Variants in ERBB4 observed in about 807,000 individuals in gnomAD.
The protein encoded by ERBB4 is receptor tyrosine-protein kinase erbB-4.
In ERBB4, 42 loss-of-function variants were observed where a neutral mutation model predicts 158.0. The observed-to-expected ratio is 0.27, with a 90% CI of 0.21 to 0.34. The LOEUF is 0.34. Ranked by LOEUF, ERBB4 falls within the 10% of genes least tolerant of loss-of-function variation. The pLI is 1.00. For synonymous variants in ERBB4, 583 were observed against 558.7 expected (o/e 1.04, Z -0.61); for missense variants, 1,333 against 1,624.1 (o/e 0.82, Z 3.08).
chr2:211,969,554 AC>A (rs2081395646), intron 2 of ERBB4, among the ~76,000 whole-genome samples: 1 of 152,076 alleles, frequency 6.6e-6, no homozygotes, highest in Non-Finnish European at 1.5e-5. Context: ...TTGAAGATGA[AC>A]ATCTGAATTG....
chr2:212,353,347 T>C (rs918466162), intron 1 of ERBB4, among the ~76,000 whole-genome samples: 5 of 150,458 alleles, frequency 3.3e-5, no homozygotes, highest in African/African-American at 7.3e-5. Context: ...AATATGTATA[T>C]AATATGTACA....
intron 3 of ERBB4, among the ~76,000 whole-genome samples, chr2:211,804,905 A>C (rs995544934): frequency 3.3e-4 from 49 of 147,092 alleles, no homozygotes; most frequent in African/African-American, 1.2e-3. Flanking sequence ...CAGAGGTTAC[A>C]GCTCTTTCAA....
intron 1 of ERBB4, among the ~76,000 whole-genome samples, chr2:212,450,669 G>C (rs575200398): frequency 6.6e-6 from 1 of 152,122 alleles, no homozygotes; most frequent in African/African-American, 2.4e-5. Context: ...TTAGTAATTT[G>C]TTAAAGCAGC....
At chr2:211,541,070 C>T (rs1488933597) in intron 20 of ERBB4, among the ~76,000 whole-genome samples, 2 of 151,792 alleles carry the variant, frequency 1.3e-5, no homozygotes, top group African/African-American at 4.8e-5. Context: ...ATCTAAGAAA[C>T]TGTATCAATT....
intron 1 of ERBB4, among the ~76,000 whole-genome samples, chr2:212,458,705 G>A (rs1688425752): frequency 6.6e-6 from 1 of 152,080 alleles, no homozygotes; most frequent in Non-Finnish European, 1.5e-5. Context: ...GGAGACAATG[G>A]ATTATAAGGG....
chr2:212,042,151 T>G (rs1291848869), intron 2 of ERBB4, among the ~76,000 whole-genome samples: 1 of 152,102 alleles, frequency 6.6e-6, no homozygotes, highest in Non-Finnish European at 1.5e-5. Context: ...TATGGGTAAG[T>G]GCTCAAATTG....
At chr2:212,276,199 T>C (rs1478221194) in intron 1 of ERBB4, among the ~76,000 whole-genome samples, 1 of 151,796 alleles carries the variant, frequency 6.6e-6, no homozygotes. Flanking sequence ...TGTTTACCCA[T>C]GGTTGACCAG....
At chr2:211,678,318 C>CAAAAAAAAAAAAAAAAA (rs60505220) in intron 13 of ERBB4, among the ~76,000 whole-genome samples, 1 of 144,360 alleles carries the variant, frequency 6.9e-6, no homozygotes. Flanking sequence ...AACAAACAAA[C>CAAAAAAAAAAAAAAAAA]AAAAAAAAAA....
chr2:211,379,692 T>C lies in ERBB4; in HGVS notation c.*3923A>G, dbSNP rs1006229295. ...ATAGCATTATCGTGGTTCTGTCCAG[T>C]TATATACATGCTTTCATGATCACCT... On this transcript the variant is annotated 3_prime_UTR_variant, in exon 28 of 28. Transcript: ENST00000342788. The C allele has an allele frequency of 4.3e-6, 1 of 231,704 alleles. No individual in the cohort carries two copies. Among genetic ancestry groups the C allele is most frequent in the African/African-American group, 2.2e-5 (1 of 45,260 alleles). 14.4% of individuals were successfully genotyped at this position (231,704 alleles called of 1,614,324 possible).
chr2:211,650,789 ATAT>A (rs1224051655), intron 16 of ERBB4, among the ~76,000 whole-genome samples: 1 of 152,192 alleles, frequency 6.6e-6, no homozygotes, highest in African/African-American at 2.4e-5. Flanking sequence ...CAATATACCC[ATAT>A]TATTAACATT....
intron 1 of ERBB4, among the ~76,000 whole-genome samples, chr2:212,498,857 C>T (rs978648663): frequency 6.6e-6 from 1 of 151,918 alleles, no homozygotes; most frequent in Non-Finnish European, 1.5e-5. Flanking sequence ...AGGGGCAGTA[C>T]ATCTCTAAAC....
At chr2:211,502,674 GTA>G (rs2065646598) in intron 20 of ERBB4, among the ~76,000 whole-genome samples, 1 of 152,092 alleles carries the variant, frequency 6.6e-6, no homozygotes, top group Non-Finnish European at 1.5e-5. Context: ...TCATGAAAAT[GTA>G]TAAATGTAGA....
At chr2:211,524,680 C>T (rs1400441779) in intron 20 of ERBB4, among the ~76,000 whole-genome samples, 1 of 151,982 alleles carries the variant, frequency 6.6e-6, no homozygotes, top group Non-Finnish European at 1.5e-5. Context: ...AGTGCGGGGC[C>T]GCCAAGCCCA....
At chr2:211,543,830 G>A (rs1020856192) in intron 20 of ERBB4, among the ~76,000 whole-genome samples, 5 of 151,170 alleles carry the variant, frequency 3.3e-5, no homozygotes, top group African/African-American at 1.2e-4. Context: ...CCAGTCTTTT[G>A]GGAAATGCAA....
intron 1 of ERBB4, among the ~76,000 whole-genome samples, chr2:212,537,004 T>C (rs1265987901): frequency 1.3e-5 from 2 of 152,112 alleles, no homozygotes; most frequent in Admixed American, 1.3e-4. Flanking sequence ...GCGCGGGACC[T>C]GGTATGCGTG....
chr2:211,549,087 A>G (rs2067014518), intron 20 of ERBB4, among the ~76,000 whole-genome samples: 2 of 152,084 alleles, frequency 1.3e-5, no homozygotes, highest in African/African-American at 4.8e-5. Flanking sequence ...TATTATTAAA[A>G]TATCAATTGA....
In ERBB4 at chr2:211,430,974, C is replaced by G; in HGVS notation, c.2614G>C (p.Glu872Gln). The G allele has an allele frequency of 6.2e-7, 1 of 1,613,778 alleles. No individual in the cohort carries two copies. Among genetic ancestry groups the G allele is most frequent in the Non-Finnish European group, 8.5e-7 (1 of 1,179,732 alleles). Residue 872 changes from glutamate (E) to glutamine (Q), a missense_variant, in exon 21 of 28, where the codon GAA becomes CAA. By Grantham distance (29) the Glu-to-Gln change is conservative (BLOSUM62 2). This residue lies in a region of ERBB4 where 314 missense variants were observed against 437.6 expected (regional missense o/e 0.72). Coordinates refer to ENST00000342788, the MANE Select transcript of ERBB4 (RefSeq NM_005235.3). ...CCTCCATCAGCATTGTACTCTTTTT[C>G]ATCTCCTTCCAAGAGTCTGGCTAGC... Reference protein sequence around the residue: ...FGLARLLEGDEKEYNADGGKM... With the variant: ...FGLARLLEGDQKEYNADGGKM...
At chr2:212,236,077 C>T (rs1354512359) in intron 1 of ERBB4, among the ~76,000 whole-genome samples, 1 of 152,116 alleles carries the variant, frequency 6.6e-6, no homozygotes, top group East Asian at 1.9e-4. Flanking sequence ...AGCTTTTGCC[C>T]ATTCAGTATG....
intron 1 of ERBB4, among the ~76,000 whole-genome samples, chr2:212,246,258 A>G (rs998829239): frequency 1.3e-5 from 2 of 152,244 alleles, no homozygotes; most frequent in Non-Finnish European, 2.9e-5. Context: ...TGAGAACTGT[A>G]AATTGCTTTG....
Sources: gnomAD v4.1 joint callset for allele counts (sites outside exome capture counted in the v4.1 genomes callset) on GRCh38, gnomAD v4.1.1 for gene constraint, gnomAD v4.1.1 regional missense constraint, MANE v1.5 for transcripts, NCBI Gene and HGNC (gene_info 2026-07-23, HGNC 2026-07-21) for gene names.